Variants in SLC10A6 observed in about 807,000 individuals in gnomAD.
SLC10A6 encodes solute carrier family 10 member 6.
SLC10A6 carries 27 observed loss-of-function variants against 30.0 expected under a neutral mutation model. The ratio of observed to expected loss-of-function variants is 0.90; its 90% CI spans 0.66 to 1.24. The LOEUF is 1.24. Ranked by LOEUF, SLC10A6 falls within the 50% of genes most tolerant of loss-of-function variation. The pLI is 0.00. For missense variants in SLC10A6, 439 were observed against 457.0 expected (o/e 0.96, Z 0.36); for synonymous variants, 166 against 173.8 (o/e 0.95, Z 0.36).
intron 1 of SLC10A6, among the ~76,000 whole-genome samples, chr4:86,845,033 C>T (rs1296473585): frequency 2.0e-5 from 3 of 152,104 alleles, no homozygotes; most frequent in East Asian, 1.9e-4. Flanking sequence ...AATTACAATT[C>T]GAGATGAGAA....
At position 86,848,871 on chromosome 4, in the gene SLC10A6, G is replaced by A. The variant is rs144287611; in HGVS notation, c.245C>T (p.Thr82Ile). Residue 82 changes from threonine (T) to isoleucine (I), a missense_variant, in exon 1 of 6, where the codon ACA becomes ATA. By Grantham distance (89) the Thr-to-Ile change is moderately conservative. Coordinates refer to ENST00000273905, the MANE Select transcript of SLC10A6 (RefSeq NM_197965.3). Reference protein sequence around the residue: ...LLCQFGLMPFTAYLLAISFSL... With the variant: ...LLCQFGLMPFIAYLLAISFSL... Reference sequence around the variant, plus strand: ...AAAGCTAATGGCCAGGAGATAAGCTGTAAAAGGCATGAGCCCAAACTGGCA... The same window carrying A: ...AAAGCTAATGGCCAGGAGATAAGCTATAAAAGGCATGAGCCCAAACTGGCA... The A allele has an allele frequency of 3.1e-6, 5 of 1,614,106 alleles. No homozygotes were observed. The African/African-American group carries it at 5.3e-5, about 17-fold the overall frequency.
chr4:86,837,489 G>T, intron 1 of SLC10A6: 1 of 495,212 alleles, frequency 2.0e-6, no homozygotes, highest in Non-Finnish European at 2.6e-6. Flanking sequence ...TTTCATGAAA[G>T]CTAAGAAAAG....
intron 1 of SLC10A6, among the ~76,000 whole-genome samples, chr4:86,833,830 C>A (rs984017171): frequency 7.2e-5 from 11 of 152,126 alleles, no homozygotes; most frequent in Admixed American, 7.2e-4. Context: ...AGTTTCATCA[C>A]CCCAGAAAGA....
chr4:86,840,169 T>C, intron 1 of SLC10A6, among the ~76,000 whole-genome samples: 1 of 152,082 alleles, frequency 6.6e-6, no homozygotes, highest in Non-Finnish European at 1.5e-5. Context: ...TCCACCCACC[T>C]TGGCCTCCCA....
intron 1 of SLC10A6, among the ~76,000 whole-genome samples, chr4:86,844,198 T>G (rs1227075735): frequency 6.6e-6 from 1 of 151,742 alleles, no homozygotes; most frequent in Non-Finnish European, 1.5e-5. Flanking sequence ...AAAATAAAAA[T>G]TAAAAAATAG....
intron 1 of SLC10A6, among the ~76,000 whole-genome samples, chr4:86,844,553 T>C (rs529213920): frequency 1.3e-5 from 2 of 152,318 alleles, no homozygotes; most frequent in East Asian, 3.9e-4. Context: ...AGGAAGAGGA[T>C]CTGGTTTAAA....
intron 4 of SLC10A6, among the ~76,000 whole-genome samples, chr4:86,826,379 G>T (rs1746000319): frequency 6.6e-6 from 1 of 152,084 alleles, no homozygotes; most frequent in African/African-American, 2.4e-5. Flanking sequence ...AGGAGTTCGA[G>T]ACCAGCCTGG....
chr4:86,844,754 T>C (rs1746365629), intron 1 of SLC10A6, among the ~76,000 whole-genome samples: 1 of 152,122 alleles, frequency 6.6e-6, no homozygotes, highest in Non-Finnish European at 1.5e-5. Context: ...CTGCGTAATT[T>C]ATAAAGGAAA....
At position 86,840,218 on chromosome 4, in the gene SLC10A6, C is replaced by T. The variant is rs75272714; in HGVS notation, c.378-6794G>A. 3.4e-3 allele frequency among the ~76,000 whole-genome samples: 512 copies of T among 152,094 alleles called. 5 individuals carry two copies. The highest frequency in any genetic ancestry group is 0.012 in the African/African-American group (486 of 41,502). On this transcript the variant is annotated intron_variant, in intron 1 of 5. Transcript: ENST00000273905. ...ACAGGCGTGAGCCACTGCACCCAGC[C>T]GACACTCTGGATTCTATCAGGTTGT...
intron 1 of SLC10A6, among the ~76,000 whole-genome samples, chr4:86,842,788 T>TTCTTTCTC (rs1746313695): frequency 4.0e-4 from 1 of 2,510 alleles, no homozygotes; most frequent in Non-Finnish European, 6.0e-4. Flanking sequence ...GACACCTCTT[T>TTCTTTCTC]TCTTTCTTTC....
At position 86,828,098 on chromosome 4, in the gene SLC10A6, G is replaced by T; in HGVS notation, c.656C>A (p.Ser219Tyr). The part of the protein sequence containing the change: ...AVAGVVLAKG[S>Y]WNSDITLLTI... ...CAGAAGGGTGATGTCTGAATTCCAA[G>T]ATCCTTTCGCCAGGACCACACCAGC... The change falls in exon 4 of 6, where the codon TCT (serine) becomes TAT (tyrosine). Residue 219 changes from serine to tyrosine, a missense_variant. By Grantham distance (144) the Ser-to-Tyr change is moderately radical. Coordinates refer to ENST00000273905, the MANE Select transcript of SLC10A6 (RefSeq NM_197965.3). The T allele has an allele frequency of 6.2e-7, 1 of 1,613,854 alleles. No individual in the cohort carries two copies. The highest frequency in any genetic ancestry group is 8.5e-7 in the Non-Finnish European group (1 of 1,179,898).
At position 86,834,499 on chromosome 4, in the gene SLC10A6, T is replaced by C. The variant is rs182811775; in HGVS notation, c.378-1075A>G. Among the ~76,000 whole-genome samples the C allele has an allele frequency of 2.3e-4, 35 of 152,370 alleles. 1 individual carries two copies. The highest frequency in any genetic ancestry group is 8.2e-4 in the African/African-American group (34 of 41,592). The stretch of plus-strand genomic sequence containing the variant: ...TATTCTATTAATATAGTATATCACA[T>C]TGATTTTTCTGTATATTGAATCAAC... On this transcript the variant is annotated intron_variant, in intron 1 of 5. Transcript: ENST00000273905.
At chr4:86,845,475 T>C (rs1286888688) in intron 1 of SLC10A6, among the ~76,000 whole-genome samples, 2 of 152,206 alleles carry the variant, frequency 1.3e-5, no homozygotes, top group African/African-American at 4.8e-5. Context: ...ACATGTTCGT[T>C]TTCTCCTAAC....
chr4:86,826,354 G>T (rs1350524706), intron 4 of SLC10A6, among the ~76,000 whole-genome samples: 7 of 152,148 alleles, frequency 4.6e-5, no homozygotes, highest in African/African-American at 1.7e-4. Context: ...CAAGGTGGGT[G>T]GATCACCTGA....
chr4:86,842,786 T>C (rs548360023), intron 1 of SLC10A6, among the ~76,000 whole-genome samples: 32 of 106,718 alleles, frequency 3.0e-4, no homozygotes, highest in Admixed American at 1.0e-3. Flanking sequence ...TGGACACCTC[T>C]TTTCTTTCTT....
chr4:86,841,614 C>A (rs1392437535), intron 1 of SLC10A6, among the ~76,000 whole-genome samples: 1 of 152,190 alleles, frequency 6.6e-6, no homozygotes, highest in African/African-American at 2.4e-5. Flanking sequence ...CAAGTCTAGA[C>A]AAACAGGTCA....
At chr4:86,842,524 T>C (rs964172661) in intron 1 of SLC10A6, among the ~76,000 whole-genome samples, 4 of 152,034 alleles carry the variant, frequency 2.6e-5, no homozygotes, top group African/African-American at 9.7e-5. Flanking sequence ...ACCTCATCTC[T>C]GTAATAAAAA....
chr4:86,845,730 G>A (rs1746381417), intron 1 of SLC10A6, among the ~76,000 whole-genome samples: 1 of 152,186 alleles, frequency 6.6e-6, no homozygotes, highest in Non-Finnish European at 1.5e-5. Context: ...AGAACTGTGA[G>A]CAACACAGCA....
intron 1 of SLC10A6, among the ~76,000 whole-genome samples, chr4:86,835,464 C>T (rs1161056375): frequency 1.3e-5 from 2 of 152,086 alleles, no homozygotes; most frequent in African/African-American, 2.4e-5. Flanking sequence ...GTCAGAAGTT[C>T]GAGACCAGCC....
Sources: allele counts gnomAD v4.1 joint callset (sites outside exome capture counted in the v4.1 genomes callset), GRCh38; gene constraint gnomAD v4.1.1; transcripts MANE v1.5; gene names NCBI Gene and HGNC (gene_info 2026-07-23, HGNC 2026-07-21).